ZGPAT: variants seen among roughly 807,000 people sequenced by gnomAD.
The protein encoded by ZGPAT is zinc finger CCCH-type with G patch domain-containing protein.
In ZGPAT, 39 loss-of-function variants were observed where a neutral mutation model predicts 47.9. The observed-to-expected ratio is 0.81, with a 90% CI of 0.63 to 1.06. The LOEUF (loss-of-function observed/expected upper bound fraction) is 1.06, where lower values mean the gene tolerates loss of function less well. Ranked by LOEUF, ZGPAT falls within the 50% of genes least tolerant of loss-of-function variation. ZGPAT has a pLI of 0.00. For missense variants in ZGPAT, 717 were observed against 681.4 expected (o/e 1.05, Z -0.58); for synonymous variants, 348 against 292.9 (o/e 1.19, Z -1.92).
chr20:63,734,586 G>A (rs948671385), intron 4 of ZGPAT, 119 bp from the exon 5 acceptor site: 2 of 1,522,910 alleles, frequency 1.3e-6, no homozygotes, highest in Middle Eastern at 2.4e-4. Flanking sequence ...CAAAGCCCGG[G>A]TCACCATGCA....
At chr20:63,718,113 C>T (rs1417255610) in intron 2 of ZGPAT, among the ~76,000 whole-genome samples, 1 of 151,838 alleles carries the variant, frequency 6.6e-6, no homozygotes, top group Non-Finnish European at 1.5e-5. Context: ...TCTCAAACTC[C>T]TGACTTGAAG....
At chr20:63,714,427 TAAAAAA>T (rs553069740) in intron 2 of ZGPAT, among the ~76,000 whole-genome samples, 1 of 133,442 alleles carries the variant, frequency 7.5e-6, no homozygotes, top group Non-Finnish European at 1.6e-5. Flanking sequence ...ACCCTGTCTT[TAAAAAA>T]AAAAAAAAAA....
rs533220710 is a variant in ZGPAT, at chr20:63,733,621, C to A, written c.753C>A (p.Asp251Glu). The A allele has an allele frequency of 1.9e-6, 3 of 1,614,106 alleles. No homozygotes were observed. The highest frequency in any genetic ancestry group is 4.5e-5 in the East Asian group (2 of 44,882). ...ACGGCTACTACACAGTCAAGTTTGACTCGCTGCTGCTGAGGGAGGCCGTGG... is the reference window on the plus strand; with the variant it reads ...ACGGCTACTACACAGTCAAGTTTGAATCGCTGCTGCTGAGGGAGGCCGTGG... ...VDNGYYTVKF[D>E]SLLLREAVVE... Residue 251 changes from aspartate (D) to glutamate (E), a missense_variant, in exon 4 of 7, where the codon GAC becomes GAA. Asp to Glu is a conservative substitution (Grantham distance 45). Coordinates refer to ENST00000355969, the MANE Select transcript of ZGPAT (RefSeq NM_181485.3).
Position 63,708,826 on chromosome 20 carries a change from C to G in ZGPAT, c.246C>G (p.Phe82Leu). Residue 82 changes from phenylalanine to leucine, a missense_variant, in exon 2 of 7, where the codon TTC (phenylalanine) becomes TTG (leucine). Transcript: ENST00000355969. The stretch of plus-strand genomic sequence containing the variant: ...AGGAAGATGCTGAGTACCAGGCTTT[C>G]CGGGAGGCCATCACTGAGGCGGTGG... ...GRQEDAEYQA[F>L]REAITEAVEA... 1.9e-6 allele frequency: 3 copies of G among 1,605,194 alleles called. No homozygotes were observed. Among genetic ancestry groups the G allele is most frequent in the South Asian group, 2.2e-5 (2 of 90,264 alleles).
chr20:63,735,747 AG>A, intron 6 of ZGPAT, 33 bp from the exon 7 acceptor site: 1 of 1,567,612 alleles, frequency 6.4e-7, no homozygotes, highest in South Asian at 1.2e-5. Flanking sequence ...GGCATGGCCC[AG>A]GACCCCACGC....
In ZGPAT at chr20:63,708,993, A is replaced by T; in HGVS notation, c.413A>T (p.Tyr138Phe). Reference sequence around the variant, plus strand: ...AGTGGGACAAAGGTGAGCGCGCCCTACTACAGCTCCTGGGGCACTCTGGAG... The same window carrying T: ...AGTGGGACAAAGGTGAGCGCGCCCTTCTACAGCTCCTGGGGCACTCTGGAG... The part of the protein sequence containing the change: ...ELSGTKVSAP[Y>F]YSSWGTLEYH... Residue 138 changes from tyrosine (Y) to phenylalanine (F), a missense_variant, in exon 2 of 7, where the codon TAC (tyrosine) becomes TTC (phenylalanine). By Grantham distance (22) the Tyr-to-Phe change is conservative (BLOSUM62 3). Transcript: ENST00000355969. The T allele has an allele frequency of 2.5e-6, 4 of 1,613,574 alleles. No homozygotes were observed. The highest frequency in any genetic ancestry group is 3.4e-6 in the Non-Finnish European group (4 of 1,180,012).
intron 2 of ZGPAT, among the ~76,000 whole-genome samples, chr20:63,727,139 A>G (rs113685055): frequency 9.5e-4 from 145 of 152,192 alleles, no homozygotes; most frequent in African/African-American, 3.3e-3. Context: ...CATTCTCTGT[A>G]CTTTACCTGT....
intron 2 of ZGPAT, among the ~76,000 whole-genome samples, chr20:63,722,136 TGCATAA>T (rs976976189): frequency 4.6e-5 from 7 of 151,958 alleles, no homozygotes; most frequent in Non-Finnish European, 1.0e-4. Flanking sequence ...AAGATCCAAA[TGCATAA>T]GCAGGATTCC....
At chr20:63,727,712 A>G (rs2091859772) in intron 2 of ZGPAT, among the ~76,000 whole-genome samples, 2 of 150,606 alleles carry the variant, frequency 1.3e-5, no homozygotes, top group South Asian at 4.2e-4. Flanking sequence ...TTCCTGAATC[A>G]TTGCCATCAT....
In ZGPAT at chr20:63,708,553, C is replaced by G. The variant is rs1405049147; in HGVS notation, c.-28C>G. The G allele has an allele frequency of 6.4e-7, 1 of 1,554,716 alleles. No individual in the cohort carries two copies. ...GCTCAGCTGGCTTCTCTTCTTGCAG[C>G]CCTGGTCCAGCGCCTCCCTCTCTCA... On this transcript the variant is annotated splice_region_variant and 5_prime_UTR_variant, in exon 2 of 7. Coordinates refer to ENST00000355969, the MANE Select transcript of ZGPAT (RefSeq NM_181485.3).
intron 2 of ZGPAT, among the ~76,000 whole-genome samples, chr20:63,716,007 A>G (rs941457956): frequency 6.6e-6 from 1 of 151,974 alleles, no homozygotes; most frequent in Non-Finnish European, 1.5e-5. Context: ...CTGATTCTTT[A>G]TTTGTTATAG....
At chr20:63,734,375 G>T in intron 4 of ZGPAT, 1 of 414,216 alleles carries the variant, frequency 2.4e-6, no homozygotes. Context: ...TGTGAGGGCA[G>T]GTGAGGCGCT....
chr20:63,732,212 T>C (rs1181462945), intron 2 of ZGPAT, among the ~76,000 whole-genome samples: 1 of 143,568 alleles, frequency 7.0e-6, no homozygotes, highest in Non-Finnish European at 1.6e-5. Context: ...TGCATCTGTG[T>C]GTGCATGTTT....
intron 2 of ZGPAT, among the ~76,000 whole-genome samples, chr20:63,729,570 A>G (rs963138520): frequency 1.3e-5 from 2 of 152,140 alleles, no homozygotes; most frequent in East Asian, 3.9e-4. Flanking sequence ...TTCCTCTGCC[A>G]CACGAGGCTT....
rs753950895 is a variant in ZGPAT, at chr20:63,708,681, C to T, written c.101C>T (p.Ala34Val). 3 of 1,612,596 alleles carry T rather than the reference C, an allele frequency of 1.9e-6. No homozygotes were observed. The highest frequency in any genetic ancestry group is 1.3e-5 in the African/African-American group (1 of 74,942). The change falls in exon 2 of 7, where the codon GCT (alanine) becomes GTT (valine). Residue 34 changes from alanine to valine, a missense_variant. Physicochemically the swap from Ala to Val is moderately conservative, Grantham distance 64. Coordinates refer to ENST00000355969, the MANE Select transcript of ZGPAT (RefSeq NM_181485.3). ...GCCGGCCTGGATTCGTCTGAGCAGGCTGACCTGCGCCAGCTGCAGGGGGAC... is the reference window on the plus strand; with the variant it reads ...GCCGGCCTGGATTCGTCTGAGCAGGTTGACCTGCGCCAGCTGCAGGGGGAC... ...LGAGLDSSEQ[A>V]DLRQLQGDLK... is the part of the protein sequence containing the mutation.
At chr20:63,722,917 G>A (rs893728206) in intron 2 of ZGPAT, among the ~76,000 whole-genome samples, 9 of 152,050 alleles carry the variant, frequency 5.9e-5, no homozygotes, top group Non-Finnish European at 1.2e-4. Context: ...AGGTGTGAGC[G>A]ACTGCACTGA....
At chr20:63,733,401 G>GTGTGT in intron 3 of ZGPAT, 49 bp downstream of exon 3, 2 of 1,602,214 alleles carry the variant, frequency 1.2e-6, no homozygotes, top group Non-Finnish European at 1.7e-6. Flanking sequence ...CAGGCCCCAC[G>GTGTGT]TGTGTTGTCA....
intron 2 of ZGPAT, among the ~76,000 whole-genome samples, chr20:63,718,205 G>C (rs568359445): frequency 3.9e-5 from 6 of 152,010 alleles, no homozygotes; most frequent in Non-Finnish European, 8.8e-5. Context: ...GTTTTGTTCT[G>C]TTGTATTTCC....
At position 63,735,409 on chromosome 20, in the gene ZGPAT, G is replaced by A. The variant is rs1180657222; in HGVS notation, c.1242G>A (p.Ala414=). The part of the protein sequence containing the change: ...GQAPGALEAG[A]APAGRRSKDM... ...CTCCTGGGGCCCTAGAAGCCGGGGC[G>A]GCCCCAGCGGGGAGGAGGAGCAAGG... is the stretch of plus-strand genomic sequence containing the variant. The change falls in exon 6 of 7, where the codon GCG becomes GCA. Residue 414 remains alanine (A), a synonymous_variant. Transcript: ENST00000355969. 12 of 1,565,844 alleles carry A rather than the reference G, an allele frequency of 7.7e-6. No homozygotes were observed. The highest frequency in any genetic ancestry group is 1.4e-5 in the African/African-American group (1 of 73,132).
Sources: gnomAD v4.1 joint callset for allele counts (sites outside exome capture counted in the v4.1 genomes callset) on GRCh38, gnomAD v4.1.1 for gene constraint, MANE v1.5 for transcripts, NCBI Gene and HGNC (gene_info 2026-07-23, HGNC 2026-07-21) for gene names.